The following DYNC2H1 variants were observed in gnomAD, a reference collection of about 807,000 sequenced individuals.
DYNC2H1 encodes the protein dynein cytoplasmic 2 heavy chain 1, also known as cytoplasmic dynein 2 heavy chain 1.
A neutral mutation model predicts 570.0 loss-of-function variants in DYNC2H1; 410 were observed. That is an observed-to-expected ratio of 0.72 (90% CI 0.66 to 0.78). The LOEUF (loss-of-function observed/expected upper bound fraction) is 0.78, where lower values mean the gene tolerates loss of function less well. Among genes scored for constraint, DYNC2H1 ranks in the 30% least tolerant of loss-of-function variants. The pLI is 0.00. For missense variants in DYNC2H1, 4,865 were observed against 5,046.4 expected (o/e 0.96, Z 1.09); for synonymous variants, 1,688 against 1,677.6 (o/e 1.01, Z -0.15).
At position 103,145,787 on chromosome 11, in the gene DYNC2H1, T is replaced by A. The variant is rs1382330425; in HGVS notation, c.2703-1985T>A. On this transcript the variant is annotated intron_variant, in intron 18 of 88. Coordinates refer to ENST00000375735, the MANE Select transcript of DYNC2H1 (RefSeq NM_001377.3). The surrounding 1 kb of genome is among the most constrained non-coding windows in gnomAD (Gnocchi z 4.2). ...GAAAATCATTTTTGAATATGCATCT[T>A]TGATATATAATGAGTCATCTTCCAT... Among the ~76,000 whole-genome samples the A allele has an allele frequency of 6.6e-6, 1 of 152,216 alleles. No homozygotes were observed. The highest frequency in any genetic ancestry group is 1.5e-5 in the Non-Finnish European group (1 of 68,036).
rs538481512 is a variant in DYNC2H1 at position 103,263,783 on chromosome 11, A to C, written c.10695+3806A>C. 7.2e-5 allele frequency among the ~76,000 whole-genome samples: 11 copies of C among 152,264 alleles called. No homozygotes were observed. In the South Asian group the frequency reaches 2.3e-3, roughly 32 times the overall value. ...AGGAAAGATCTAAAATCAACCCCCT[A>C]ACATCACAATTAAAAGAACTAGAGA... is the stretch of plus-strand genomic sequence containing the variant. On this transcript the variant is annotated intron_variant, in intron 70 of 88. Transcript: ENST00000375735.
chr11:103,283,183 T>C (rs1866213224), intron 73 of DYNC2H1, 98 bp downstream of exon 73: 2 of 907,896 alleles, frequency 2.2e-6, no homozygotes, highest in East Asian at 2.8e-5. Context: ...AGTGTTAACA[T>C]TTTTAATAGG....
chr11:103,392,670 AACCAC>A (rs1942212214), intron 83 of DYNC2H1, among the ~76,000 whole-genome samples: 1 of 152,134 alleles, frequency 6.6e-6, no homozygotes, highest in African/African-American at 2.4e-5. Flanking sequence ...CATGCACATA[AACCAC>A]ACCAAAAGGC....
At position 103,128,807 on chromosome 11, in the gene DYNC2H1, A is replaced by C. The variant is rs111898337; in HGVS notation, c.1858-103A>C. 3.9e-6 allele frequency: 4 copies of C among 1,026,290 alleles called. No individual in the cohort carries two copies. In the African/African-American group the frequency reaches 5.0e-5, roughly 13 times the overall value. 63.6% of individuals were successfully genotyped at this position (1,026,290 alleles called of 1,614,324 possible). On this transcript the variant is annotated intron_variant, in intron 12 of 88. Coordinates refer to ENST00000375735, the MANE Select transcript of DYNC2H1 (RefSeq NM_001377.3). ...AGATGAAAAACCAATTTTCTGTTTA[A>C]ATTTTAGGATTGAGAAAAGTTAACA...
At position 103,369,871 on chromosome 11, in the gene DYNC2H1, G is replaced by A. The variant is rs1009723659; in HGVS notation, c.12156+11512G>A. ...AGGTTCTGAGGCTTACTGGCTTCAGGTGAGACTCAGCACATTCCCAGCTGT... is the reference window on the plus strand; with the variant it reads ...AGGTTCTGAGGCTTACTGGCTTCAGATGAGACTCAGCACATTCCCAGCTGT... On this transcript the variant is annotated intron_variant, in intron 83 of 88. Transcript: ENST00000375735. This position sits in a 1 kb window ranked among gnomAD's most constrained non-coding sequence, Gnocchi z 4.0. Among the ~76,000 whole-genome samples the A allele has an allele frequency of 3.9e-5, 6 of 152,222 alleles. No homozygotes were observed. The highest frequency in any genetic ancestry group is 1.4e-4 in the African/African-American group (6 of 41,446).
intron 45 of DYNC2H1, 56 bp from the exon 46 acceptor site, chr11:103,191,461 A>G: frequency 1.5e-6 from 2 of 1,368,276 alleles, no homozygotes; most frequent in East Asian, 2.5e-5. Flanking sequence ...AAAAATTTAT[A>G]ACATGATTAT....
intron 73 of DYNC2H1, among the ~76,000 whole-genome samples, chr11:103,284,762 A>G (rs1866280523): frequency 6.6e-6 from 1 of 151,904 alleles, no homozygotes; most frequent in African/African-American, 2.4e-5. Flanking sequence ...TGCATTTTTT[A>G]TATACTTGAT....
chr11:103,199,333 G>A lies in DYNC2H1; in HGVS notation c.7945G>A (p.Gly2649Ser). The A allele has an allele frequency of 6.2e-7, 1 of 1,612,012 alleles. No homozygotes were observed. The highest frequency in any genetic ancestry group is 2.1e-4 in the Middle Eastern group (1 of 4,738). Residue 2649 changes from glycine to serine, a missense_variant, in exon 49 of 89, where the codon GGT (glycine) becomes AGT (serine). By Grantham distance (56) the Gly-to-Ser change is moderately conservative. Transcript: ENST00000375735. The surrounding 1 kb of genome is among the most constrained non-coding windows in gnomAD (Gnocchi z 4.6). ...RIDRVLSFPG[G>S]SLLLAGRSGV... ...AGATAGAGTGCTGAGTTTCCCTGGA[G>A]GTTCACTTCTATTAGCAGGACGCAG... is the stretch of plus-strand genomic sequence containing the variant.
chr11:103,111,713 A>G (rs1020732321), intron 1 of DYNC2H1, among the ~76,000 whole-genome samples: 1 of 152,156 alleles, frequency 6.6e-6, no homozygotes, highest in South Asian at 2.1e-4. Flanking sequence ...AGTTAAAGCT[A>G]TTACTAGTAA....
chr11:103,438,953 G>A (rs1381037227), intron 85 of DYNC2H1, among the ~76,000 whole-genome samples: 2 of 152,012 alleles, frequency 1.3e-5, no homozygotes, highest in Admixed American at 6.6e-5. Flanking sequence ...AGTCCAGCCT[G>A]GGCAACAATG....
intron 82 of DYNC2H1, among the ~76,000 whole-genome samples, chr11:103,351,699 TCTTGAA>T (rs1940063957): frequency 6.6e-6 from 1 of 152,220 alleles, no homozygotes; most frequent in Non-Finnish European, 1.5e-5. Flanking sequence ...GATGTTTATT[TCTTGAA>T]TCTGTGTTCA....
intron 83 of DYNC2H1, among the ~76,000 whole-genome samples, chr11:103,393,998 A>G (rs767465625): frequency 9.2e-5 from 14 of 152,106 alleles, no homozygotes; most frequent in Non-Finnish European, 1.9e-4. Flanking sequence ...CCCACAACAT[A>G]TGGGAATTCA....
chr11:103,112,155 G>T (rs1858146448), intron 1 of DYNC2H1, among the ~76,000 whole-genome samples: 2 of 152,178 alleles, frequency 1.3e-5, no homozygotes, highest in Admixed American at 1.3e-4. Context: ...CCTGGGGGAA[G>T]AGTGTTCTAA....
chr11:103,286,481 A>G, intron 74 of DYNC2H1, 95 bp downstream of exon 74: 1 of 1,419,612 alleles, frequency 7.0e-7, no homozygotes, highest in Non-Finnish European at 9.6e-7. Flanking sequence ...TTAGAGTGTT[A>G]CTTTACCTTT....
At chr11:103,146,610 G>A (rs1264604038) in intron 18 of DYNC2H1, among the ~76,000 whole-genome samples, 1 of 151,904 alleles carries the variant, frequency 6.6e-6, no homozygotes, top group Non-Finnish European at 1.5e-5. Context: ...TTTTTTGTTT[G>A]TTTATTTTTT....
chr11:103,191,995 A>C (rs1385546527), intron 46 of DYNC2H1, 102 bp from the exon 47 acceptor site: 1 of 929,832 alleles, frequency 1.1e-6, no homozygotes, highest in African/African-American at 1.7e-5. Context: ...CTGATGCCAA[A>C]ATTATGGTAT....
intron 84 of DYNC2H1, among the ~76,000 whole-genome samples, chr11:103,428,428 C>A (rs1343107018): frequency 1.3e-5 from 2 of 152,110 alleles, no homozygotes; most frequent in African/African-American, 2.4e-5. Flanking sequence ...CAAAACTTCA[C>A]AGAAGGAAAT....
chr11:103,224,012 C>T (rs969218944), intron 59 of DYNC2H1, among the ~76,000 whole-genome samples: 2 of 152,052 alleles, frequency 1.3e-5, no homozygotes, highest in African/African-American at 4.8e-5. Context: ...TCCCAAAGTG[C>T]TGGGATTACA....
chr11:103,437,366 G>A (rs1293260598), intron 85 of DYNC2H1, among the ~76,000 whole-genome samples: 1 of 152,064 alleles, frequency 6.6e-6, no homozygotes, highest in East Asian at 1.9e-4. Context: ...GTCTTCCCTT[G>A]TTCTTCTGTC....
Sources: allele counts gnomAD v4.1 joint callset (sites outside exome capture counted in the v4.1 genomes callset), GRCh38; gene constraint gnomAD v4.1.1; non-coding constraint Gnocchi (gnomAD v3.1); transcripts MANE v1.5; gene names NCBI Gene and HGNC (gene_info 2026-07-23, HGNC 2026-07-21).